Variants in SMAGP observed in about 807,000 individuals in gnomAD.
SMAGP encodes small cell adhesion glycoprotein, also known as small cell transmembrane and glycosylated protein.
SMAGP carries 7 observed loss-of-function variants against 10.1 expected under a neutral mutation model. The ratio of observed to expected loss-of-function variants is 0.70; its 90% confidence interval spans 0.40 to 1.31. SMAGP has a LOEUF of 1.31. Among genes scored for constraint, SMAGP ranks in the 50% most tolerant of loss-of-function variants. SMAGP has a pLI of 0.01. For synonymous variants in SMAGP, 49 were observed against 47.2 expected (o/e 1.04, Z -0.16); for missense variants, 113 against 116.5 (o/e 0.97, Z 0.14).
Position 51,268,203 on chromosome 12 carries a change from T to C in SMAGP, c.34+1042A>G, listed in dbSNP as rs768095180. On this transcript the variant is annotated intron_variant, in intron 2 of 3. Transcript: ENST00000603798. ...GAGTGGAATGAGAAAGCCAGCAAAA[T>C]CACTTTCAAGGGAAAGATGGGTTTC... Among the ~76,000 whole-genome samples the C allele has an allele frequency of 3.4e-4, 51 of 152,116 alleles. No homozygotes were observed. In the Middle Eastern group the frequency reaches 0.017, roughly 51 times the overall value.
At chr12:51,249,482 T>TTGG (rs1411586668) in intron 2 of SMAGP, among the ~76,000 whole-genome samples, 1 of 152,126 alleles carries the variant, frequency 6.6e-6, no homozygotes, top group Non-Finnish European at 1.5e-5. Flanking sequence ...AGACACCCTC[T>TTGG]TGGTGTCTGC....
At position 51,245,914 on chromosome 12, in the gene SMAGP, A is replaced by G. The variant is rs368756559; in HGVS notation, c.*27T>C. 301 of 1,602,070 alleles carry G rather than the reference A, an allele frequency of 1.9e-4. No homozygotes were observed. Among genetic ancestry groups the G allele is most frequent in the Non-Finnish European group, 2.4e-4 (286 of 1,172,494 alleles). On this transcript the variant is annotated 3_prime_UTR_variant, in exon 4 of 4. Transcript: ENST00000603798. ...TCAACGTGTTAGCGATGGAGCCAGGAATAAGCTCCTTGGGGCCTGGGAGTC... is the reference window on the plus strand; with the variant it reads ...TCAACGTGTTAGCGATGGAGCCAGGGATAAGCTCCTTGGGGCCTGGGAGTC...
At chr12:51,261,838 A>G (rs1375934479) in intron 2 of SMAGP, among the ~76,000 whole-genome samples, 2 of 151,816 alleles carry the variant, frequency 1.3e-5, no homozygotes, top group African/African-American at 4.8e-5. Context: ...GCTAAAACGA[A>G]TATGAGATCT....
At chr12:51,265,622 A>G (rs774622228) in intron 2 of SMAGP, among the ~76,000 whole-genome samples, 7 of 152,362 alleles carry the variant, frequency 4.6e-5, no homozygotes, top group African/African-American at 1.7e-4. Context: ...CAAAAGGTCT[A>G]TTGTATGATT....
At chr12:51,268,337 A>T (rs1219028722) in intron 2 of SMAGP, among the ~76,000 whole-genome samples, 1 of 152,056 alleles carries the variant, frequency 6.6e-6, no homozygotes, top group Non-Finnish European at 1.5e-5. Context: ...ATAAATCATA[A>T]GATAGGTACT....
chr12:51,257,929 C>T (rs2137303933), intron 2 of SMAGP, among the ~76,000 whole-genome samples: 1 of 152,146 alleles, frequency 6.6e-6, no homozygotes, highest in East Asian at 1.9e-4. Flanking sequence ...GTGGGAGGAT[C>T]GCTTGAGGTC....
intron 2 of SMAGP, among the ~76,000 whole-genome samples, chr12:51,254,610 C>T (rs1565658268): frequency 6.6e-6 from 1 of 151,876 alleles, no homozygotes; most frequent in Admixed American, 6.6e-5. Flanking sequence ...CGTTAATTAG[C>T]GCTATGTAGA....
At chr12:51,252,868 G>C (rs1215631156) in intron 2 of SMAGP, among the ~76,000 whole-genome samples, 1 of 152,066 alleles carries the variant, frequency 6.6e-6, no homozygotes, top group East Asian at 1.9e-4. Flanking sequence ...GGAGCCTTTG[G>C]GGACATGGGG....
chr12:51,260,671 C>T (rs1351244514), intron 2 of SMAGP, among the ~76,000 whole-genome samples: 2 of 144,900 alleles, frequency 1.4e-5, no homozygotes, highest in Non-Finnish European at 3.0e-5. Context: ...AGCCACCGCG[C>T]CCGGCCAATT....
chr12:51,255,181 G>A (rs138451267), intron 2 of SMAGP, among the ~76,000 whole-genome samples: 128 of 152,124 alleles, frequency 8.4e-4, no homozygotes, highest in African/African-American at 2.9e-3. Context: ...GAATACAAGC[G>A]TGCACCAACA....
intron 2 of SMAGP, among the ~76,000 whole-genome samples, chr12:51,252,484 T>C (rs950632221): frequency 3.4e-5 from 5 of 148,908 alleles, no homozygotes; most frequent in African/African-American, 1.2e-4. Flanking sequence ...CTCCGCCCCC[T>C]GGGTTCAAGC....
Position 51,253,868 on chromosome 12 carries a change from TGCACTCCA to T in SMAGP, c.35-7045_35-7038del, listed in dbSNP as rs201860799. Among the ~76,000 whole-genome samples the T allele has an allele frequency of 9.2e-3, 1,404 of 152,188 alleles. 22 individuals are homozygous for T. Among genetic ancestry groups the T allele is most frequent in the African/African-American group, 0.032 (1,319 of 41,536 alleles). On this transcript the variant is annotated intron_variant, in intron 2 of 3. Transcript: ENST00000603798. ...TTGCAGTGAGCCAAGATCATGCCACTGCACTCCAGCCCAGGCGAAAGAGCGAGACTCTG... is the reference window on the plus strand; with the variant it reads ...TTGCAGTGAGCCAAGATCATGCCACTGCCCAGGCGAAAGAGCGAGACTCTG...
intron 2 of SMAGP, among the ~76,000 whole-genome samples, chr12:51,267,957 AG>A (rs1944990551): frequency 6.6e-6 from 1 of 152,224 alleles, no homozygotes; most frequent in Admixed American, 6.5e-5. Context: ...GACTGTGTAT[AG>A]GAAGACAAAG....
intron 2 of SMAGP, among the ~76,000 whole-genome samples, chr12:51,266,178 G>T (rs1408895592): frequency 6.6e-6 from 1 of 151,962 alleles, no homozygotes; most frequent in African/African-American, 2.4e-5. Context: ...ACATTAAATA[G>T]AAATTTAACA....
chr12:51,246,194 T>C (rs763224903), intron 3 of SMAGP, 75 bp from the exon 4 acceptor site: 111 of 1,554,510 alleles, frequency 7.1e-5, no homozygotes, highest in Middle Eastern at 1.7e-4. Flanking sequence ...GTCATCTGAT[T>C]TAGTCACTGT....
chr12:51,270,047 C>T (rs1309995013), intron 1 of SMAGP: 1 of 151,586 alleles, frequency 6.6e-6, no homozygotes, highest in Non-Finnish European at 1.5e-5. Context: ...CGCCCCGAGC[C>T]CCCCGCGTTA....
intron 2 of SMAGP, among the ~76,000 whole-genome samples, chr12:51,262,989 A>G (rs1944942855): frequency 6.6e-6 from 1 of 152,118 alleles, no homozygotes; most frequent in South Asian, 2.1e-4. Context: ...AGACCTTGGG[A>G]GCAGTACACC....
In SMAGP at chr12:51,253,291, C is replaced by CT. The variant is rs1166730495; in HGVS notation, c.35-6461dup. ...AACAAGAATTTACTGAGTGTGTACT[C>CT]TGTGCCAGGCTCTGGGCTTCTATCA... On this transcript the variant is annotated intron_variant, in intron 2 of 3. Coordinates refer to ENST00000603798, the MANE Select transcript of SMAGP (RefSeq NM_001031628.2). Among the ~76,000 whole-genome samples, 9 of 152,156 alleles carry CT rather than the reference C, an allele frequency of 5.9e-5. No individual in the cohort carries two copies. In the East Asian group the frequency reaches 1.7e-3, roughly 29 times the overall value.
At position 51,245,955 on chromosome 12, in the gene SMAGP, C is replaced by T; in HGVS notation, c.280G>A (p.Glu94Lys). 1.2e-6 allele frequency: 2 copies of T among 1,613,272 alleles called. No individual in the cohort carries two copies. Among genetic ancestry groups the T allele is most frequent in the Non-Finnish European group, 1.7e-6 (2 of 1,179,462 alleles). Residue 94 changes from glutamate (E) to lysine (K), a missense_variant, in exon 4 of 4, where the codon GAA becomes AAA. Physicochemically the swap from Glu to Lys is moderately conservative, Grantham distance 56. Transcript: ENST00000603798. The part of the protein sequence containing the change: ...SDLAKGSEKE[E>K]YFI ...CCTGGGAGTCATTAGATGAAATATT[C>T]CTCTTTCTCGCTGCCCTTGGCCAAG...
Sources: gnomAD v4.1 joint callset for allele counts (sites outside exome capture counted in the v4.1 genomes callset) on GRCh38, gnomAD v4.1.1 for gene constraint, MANE v1.5 for transcripts, NCBI Gene and HGNC (gene_info 2026-07-23, HGNC 2026-07-21) for gene names.